Variants in MREG observed in about 807,000 individuals in gnomAD.
MREG encodes the protein melanoregulin, also known as dilute suppressor protein homolog.
MREG carries 31 observed loss-of-function variants against 28.5 expected under a neutral mutation model. The observed-to-expected ratio is 1.09, with a 90% CI of 0.82 to 1.47. MREG has a LOEUF of 1.47. Among genes scored for constraint, MREG ranks in the 40% most tolerant of loss-of-function variants. MREG has a pLI of 0.00. For missense variants in MREG, 256 were observed against 257.4 expected, an observed-to-expected ratio of 0.99 and a Z score of 0.04; for synonymous variants, 106 against 95.2, an observed-to-expected ratio of 1.11 and a Z score of -0.66.
At chr2:216,002,209 T>C (rs1478509370) in intron 1 of MREG, among the ~76,000 whole-genome samples, 2 of 152,218 alleles carry the variant, frequency 1.3e-5, no homozygotes, top group African/African-American at 4.8e-5. Context: ...GATTTCACCC[T>C]TAATCCCACC....
intron 2 of MREG, among the ~76,000 whole-genome samples, chr2:215,970,090 A>G (rs951239778): frequency 6.6e-6 from 1 of 152,192 alleles, no homozygotes; most frequent in African/African-American, 2.4e-5. Flanking sequence ...AGTACCTCAG[A>G]ATGTGACCTT....
chr2:216,031,491 AAG>A (rs1259797554), intron 1 of MREG, among the ~76,000 whole-genome samples: 6 of 130,576 alleles, frequency 4.6e-5, no homozygotes, highest in African/African-American at 1.5e-4. Context: ...GAAAGAAAGA[AAG>A]AGAAAGAAAG....
At chr2:215,940,762 G>T (rs1051292374), downstream of MREG, among the ~76,000 whole-genome samples, 12 of 152,288 alleles carry the variant, frequency 7.9e-5, no homozygotes, top group African/African-American at 2.9e-4. Flanking sequence ...GAAAGGGAGA[G>T]ATTTTACTAA....
chr2:215,958,628 T>C (rs928340625), intron 2 of MREG, among the ~76,000 whole-genome samples: 1 of 152,164 alleles, frequency 6.6e-6, no homozygotes, highest in South Asian at 2.1e-4. Flanking sequence ...ACTGGGAGCC[T>C]CCATTGCTCT....
rs58937716 is a variant in MREG, at chr2:215,975,008, T to TTATATATA, written c.255+21290_255+21297dup. 4.4e-3 allele frequency among the ~76,000 whole-genome samples: 474 copies of TTATATATA among 106,602 alleles called. 19 individuals are homozygous for TTATATATA. Among genetic ancestry groups the TTATATATA allele is most frequent in the African/African-American group, 0.014 (433 of 31,744 alleles). 69.9% of individuals were successfully genotyped at this position (106,602 alleles called of 152,430 possible). ...GGGAGAGAATTTTATTTTATATGAA[T>TTATATATA]TATATATATATATATATATGAAATA... On this transcript the variant is annotated intron_variant, in intron 2 of 4. Transcript: ENST00000263268.
intron 1 of MREG, among the ~76,000 whole-genome samples, chr2:216,031,647 A>AAAAG (rs200929112): frequency 0.1 from 9,733 of 97,674 alleles, 574 homozygotes; most frequent in South Asian, 0.13. Flanking sequence ...AAGGAAGAAG[A>AAAAG]AAAGAAAGAA....
At chr2:215,991,077 A>T (rs1429965936) in intron 2 of MREG, among the ~76,000 whole-genome samples, 1 of 152,228 alleles carries the variant, frequency 6.6e-6, no homozygotes, top group Non-Finnish European at 1.5e-5. Flanking sequence ...TCCAACCCAA[A>T]TCAACAGAAT....
At chr2:216,014,573 C>T (rs942827731), upstream of MREG, among the ~76,000 whole-genome samples, 1 of 151,178 alleles carries the variant, frequency 6.6e-6, no homozygotes, top group Admixed American at 6.6e-5. Flanking sequence ...TGCTCGAACC[C>T]GAGAGGCGGA....
At chr2:215,972,925 A>C (rs1249036030) in intron 2 of MREG, among the ~76,000 whole-genome samples, 1 of 152,138 alleles carries the variant, frequency 6.6e-6, no homozygotes, top group Non-Finnish European at 1.5e-5. Flanking sequence ...TTGTCTCCTA[A>C]TACCTGCTTT....
chr2:216,002,631 C>A (rs1694046553), intron 1 of MREG, among the ~76,000 whole-genome samples: 1 of 152,186 alleles, frequency 6.6e-6, no homozygotes, highest in Non-Finnish European at 1.5e-5. Flanking sequence ...GGTTTGATTT[C>A]CTGCTAGGAA....
chr2:215,986,016 C>G (rs1053071631), intron 2 of MREG, among the ~76,000 whole-genome samples: 1 of 152,034 alleles, frequency 6.6e-6, no homozygotes, highest in Non-Finnish European at 1.5e-5. Flanking sequence ...AAACAATCCC[C>G]GTCTAGCTTC....
chr2:216,021,128 C>T (rs1005104828), intron 1 of MREG, among the ~76,000 whole-genome samples: 2 of 152,142 alleles, frequency 1.3e-5, no homozygotes, highest in Non-Finnish European at 2.9e-5. Flanking sequence ...CCCAAGAATC[C>T]ATGTTTTTAG....
intron 1 of MREG, among the ~76,000 whole-genome samples, chr2:216,002,317 G>C (rs1421133095): frequency 2.6e-5 from 4 of 152,176 alleles, no homozygotes; most frequent in Non-Finnish European, 4.4e-5. Flanking sequence ...CTGGGGATAT[G>C]GCTGCAAAGT....
intron 1 of MREG, among the ~76,000 whole-genome samples, chr2:216,009,903 T>A (rs1260314247): frequency 2.0e-5 from 3 of 152,052 alleles, no homozygotes; most frequent in Non-Finnish European, 4.4e-5. Context: ...GCTGCAAAAG[T>A]GAAATAATTA....
chr2:215,989,174 G>A (rs1023841548), intron 2 of MREG, among the ~76,000 whole-genome samples: 2 of 152,158 alleles, frequency 1.3e-5, no homozygotes, highest in Non-Finnish European at 2.9e-5. Flanking sequence ...GTGCCCCTCT[G>A]GGACAAAACT....
chr2:216,005,444 CT>C (rs58288878), intron 1 of MREG, among the ~76,000 whole-genome samples: 21,788 of 83,874 alleles, frequency 0.26, 1,241 homozygotes, highest in Middle Eastern at 0.36. Flanking sequence ...TCTAGTTATT[CT>C]TTTTTTTTTT....
chr2:216,021,142 T>C (rs1694514159), intron 1 of MREG, among the ~76,000 whole-genome samples: 1 of 152,180 alleles, frequency 6.6e-6, no homozygotes, highest in Admixed American at 6.5e-5. Flanking sequence ...TTTTTAGTAT[T>C]TGTCGGGCTT....
chr2:215,987,804 GA>G, intron 2 of MREG, among the ~76,000 whole-genome samples: 1 of 152,170 alleles, frequency 6.6e-6, no homozygotes, highest in African/African-American at 2.4e-5. Flanking sequence ...TCTGGAGGCT[GA>G]GGCAGGAGAA....
At chr2:216,020,029 A>C (rs1224452482) in intron 1 of MREG, among the ~76,000 whole-genome samples, 1 of 152,146 alleles carries the variant, frequency 6.6e-6, no homozygotes. Flanking sequence ...AGGGAGGAAA[A>C]AAAAACACAT....
Sources: gnomAD v4.1 joint callset for allele counts (sites outside exome capture counted in the v4.1 genomes callset) on GRCh38, gnomAD v4.1.1 for gene constraint, MANE v1.5 for transcripts, NCBI Gene and HGNC (gene_info 2026-07-23, HGNC 2026-07-21) for gene names.